The following NHS variants were observed in gnomAD, a reference collection of about 807,000 sequenced individuals.
The protein encoded by NHS is NHS actin remodeling regulator.
NHS carries 5 observed loss-of-function variants against 72.5 expected under a neutral mutation model. The observed-to-expected ratio is 0.07, with a 90% confidence interval of 0.04 to 0.14. The LOEUF (loss-of-function observed/expected upper bound fraction) is 0.14. Ranked by LOEUF, NHS falls within the 10% of genes least tolerant of loss-of-function variation. The pLI is 1.00. For missense variants in NHS, 1,072 were observed against 1,355.7 expected (o/e 0.79, Z 3.29); for synonymous variants, 464 against 547.7 (o/e 0.85, Z 2.13).
intron 1 of NHS, among the ~76,000 whole-genome samples, chrX:17,415,766 C>T (rs748753851): frequency 8.9e-6 from 1 of 111,805 alleles, no homozygotes; most frequent in Admixed American, 9.5e-5. Context: ...GATGTCTGGA[C>T]TGAGATTGGG....
chrX:17,630,807 C>T (rs1176783703), intron 1 of NHS, among the ~76,000 whole-genome samples: 1 of 111,730 alleles, frequency 9.0e-6, no homozygotes, highest in Non-Finnish European at 1.9e-5. Flanking sequence ...GGAGGAGGGG[C>T]ATTTATGAAT....
chrX:17,391,280 C>G (rs988659178), intron 1 of NHS, among the ~76,000 whole-genome samples: 2 of 111,839 alleles, frequency 1.8e-5, no homozygotes, highest in African/African-American at 6.5e-5. Flanking sequence ...GAGTATATCT[C>G]AGTCTTTGAT....
chrX:17,397,031 G>A (rs1410436842), intron 1 of NHS, among the ~76,000 whole-genome samples: 1 of 112,545 alleles, frequency 8.9e-6, no homozygotes. Flanking sequence ...GTTGAAGTTA[G>A]CCTCTTTTAA....
At chrX:17,585,318 C>T (rs996180056) in intron 1 of NHS, among the ~76,000 whole-genome samples, 5 of 112,259 alleles carry the variant, frequency 4.5e-5, no homozygotes, top group Non-Finnish European at 9.4e-5. Flanking sequence ...CAATATCTGA[C>T]ATTTTCTGGG....
intron 1 of NHS, among the ~76,000 whole-genome samples, chrX:17,659,910 G>A (rs961478429): frequency 3.6e-5 from 4 of 112,055 alleles, no homozygotes; most frequent in African/African-American, 6.5e-5. Context: ...TTTGGGATTC[G>A]ATCCTGGGCA....
chrX:17,583,421 C>A (rs1344639830), intron 1 of NHS, among the ~76,000 whole-genome samples: 1 of 112,259 alleles, frequency 8.9e-6, no homozygotes, highest in Non-Finnish European at 1.9e-5. Flanking sequence ...CAGGTGTTTA[C>A]ACAAATCAAT....
At chrX:17,396,830 T>C (rs1345214318) in intron 1 of NHS, among the ~76,000 whole-genome samples, 1 of 111,543 alleles carries the variant, frequency 9.0e-6, no homozygotes, top group Non-Finnish European at 1.9e-5. Context: ...ACTTTACATA[T>C]TCAAACTCAA....
chrX:17,406,913 G>A (rs895575965), intron 1 of NHS, among the ~76,000 whole-genome samples: 2 of 112,168 alleles, frequency 1.8e-5, no homozygotes, highest in Admixed American at 1.9e-4. Context: ...GGCAAAGAGG[G>A]TGAGGATGAG....
chrX:17,386,663 C>CAAAAAAAAAAAAA (rs1184465152), intron 1 of NHS, among the ~76,000 whole-genome samples: 1 of 38,440 alleles, frequency 2.6e-5, no homozygotes, highest in Non-Finnish European at 5.0e-5. Flanking sequence ...AACTCTGTCT[C>CAAAAAAAAAAAAA]AAAAAAAAAA....
intron 1 of NHS, among the ~76,000 whole-genome samples, chrX:17,592,010 ATG>A (rs57852279): frequency 0.066 from 6,903 of 103,854 alleles, 531 homozygotes; most frequent in African/African-American, 0.22. Context: ...TGGTCCACTG[ATG>A]TGTGTGTGTG....
chrX:17,679,342 A>G (rs547253611), intron 1 of NHS, among the ~76,000 whole-genome samples: 2 of 112,008 alleles, frequency 1.8e-5, no homozygotes, highest in African/African-American at 6.5e-5. Context: ...TATTTGTGCC[A>G]ATTTCATTTC....
intron 1 of NHS, chrX:17,687,413 C>G (rs939825524): frequency 1.1e-5 from 3 of 277,699 alleles, no homozygotes; most frequent in East Asian, 7.4e-5. Flanking sequence ...ATCTCCACCC[C>G]CAAGCAGGCT....
chrX:17,550,490 T>A (rs1401803938), intron 1 of NHS, among the ~76,000 whole-genome samples: 1 of 112,147 alleles, frequency 8.9e-6, no homozygotes, highest in East Asian at 2.8e-4. Flanking sequence ...TGGACACCAA[T>A]GTCAGGGGCT....
chrX:17,388,800 C>T (rs1010469449), intron 1 of NHS, among the ~76,000 whole-genome samples: 4 of 109,813 alleles, frequency 3.6e-5, no homozygotes, highest in African/African-American at 1.0e-4. Context: ...GAAGAGACTG[C>T]GGGAGAGGCA....
At chrX:17,538,222 G>A (rs2065239689) in intron 1 of NHS, among the ~76,000 whole-genome samples, 3 of 112,254 alleles carry the variant, frequency 2.7e-5, no homozygotes, top group Middle Eastern at 4.6e-3. Flanking sequence ...CTCATTTTCA[G>A]GTGCGGGAGC....
At chrX:17,468,435 CTT>C (rs111242997) in intron 1 of NHS, among the ~76,000 whole-genome samples, 2 of 102,421 alleles carry the variant, frequency 2.0e-5, no homozygotes. Flanking sequence ...TGGGAGAGAG[CTT>C]TTTTTTTTTT....
At chrX:17,615,172 C>T (rs1225089111) in intron 1 of NHS, among the ~76,000 whole-genome samples, 10 of 39,114 alleles carry the variant, frequency 2.6e-4, no homozygotes, top group South Asian at 3.5e-3. Context: ...TATATATATA[C>T]GTATATATAT....
intron 1 of NHS, among the ~76,000 whole-genome samples, chrX:17,421,769 G>A (rs1028543788): frequency 9.0e-6 from 1 of 110,971 alleles, no homozygotes; most frequent in Non-Finnish European, 1.9e-5. Context: ...TAGAGACAGG[G>A]TTTCACCATG....
At chrX:17,440,258 TAA>T (rs1036618487) in intron 1 of NHS, among the ~76,000 whole-genome samples, 56 of 37,285 alleles carry the variant, frequency 1.5e-3, no homozygotes, top group African/African-American at 5.1e-3. Flanking sequence ...GACTCAGTCT[TAA>T]AAAAAAAAAA....
Sources: gnomAD v4.1 joint callset for allele counts (sites outside exome capture counted in the v4.1 genomes callset) on GRCh38, gnomAD v4.1.1 for gene constraint, MANE v1.5 for transcripts, NCBI Gene and HGNC (gene_info 2026-07-23, HGNC 2026-07-21) for gene names.